The following DNAI4 variants were observed in gnomAD, a reference collection of about 807,000 sequenced individuals.
The protein encoded by DNAI4 is WD repeat domain 78.
Under a neutral mutation model 105.8 loss-of-function variants are expected in DNAI4, and 85 were observed. The observed-to-expected ratio is 0.80, with a 90% CI of 0.67 to 0.96. The LOEUF (loss-of-function observed/expected upper bound fraction) is 0.96, where lower values mean the gene tolerates loss of function less well. DNAI4 is among the 40% of genes least tolerant of loss of function. The pLI is 0.00. For missense variants in DNAI4, 1,014 were observed against 1,005.6 expected (o/e 1.01, Z -0.11); for synonymous variants, 352 against 331.5 (o/e 1.06, Z -0.67).
chr1:66,833,759 C>A, intron 12 of DNAI4, 53 bp from the exon 13 acceptor site: 2 of 1,578,458 alleles, frequency 1.3e-6, no homozygotes, highest in Non-Finnish European at 8.6e-7. Context: ...TGAAAGAGTA[C>A]CGCAAATATC....
At chr1:66,835,300 T>G (rs1358764922) in intron 11 of DNAI4, among the ~76,000 whole-genome samples, 5 of 152,108 alleles carry the variant, frequency 3.3e-5, no homozygotes, top group Non-Finnish European at 7.4e-5. Context: ...ATAAGCACTA[T>G]GATAAAGGTA....
At chr1:66,871,581 C>G (rs1312732832) in intron 5 of DNAI4, 72 bp from the exon 6 acceptor site, 14 of 1,361,712 alleles carry the variant, frequency 1.0e-5, no homozygotes, top group African/African-American at 1.5e-5. Flanking sequence ...TTATATTATT[C>G]TTTTCCCTAA....
At position 66,845,068 on chromosome 1, in the gene DNAI4, C is replaced by A. The variant is rs145408384; in HGVS notation, c.1291+2416G>T. On this transcript the variant is annotated intron_variant, in intron 8 of 16. Coordinates refer to ENST00000371026, the MANE Select transcript of DNAI4 (RefSeq NM_024763.5). The stretch of plus-strand genomic sequence containing the variant: ...ATTAGCCGGGTGTGGTGGTGGGCGC[C>A]TGTAATCCCAGCTACTTGGGAGGCT... Among the ~76,000 whole-genome samples the A allele has an allele frequency of 1.2e-4, 18 of 151,706 alleles. No individual in the cohort carries two copies. In the East Asian group the frequency reaches 3.5e-3, roughly 30 times the overall value.
In DNAI4 at chr1:66,891,209, T is replaced by C. The variant is rs1647611993; in HGVS notation, c.588A>G (p.Ile196Met). The C allele has an allele frequency of 6.2e-7, 1 of 1,613,982 alleles. No individual in the cohort carries two copies. The highest frequency in any genetic ancestry group is 2.2e-5 in the East Asian group (1 of 44,840). Residue 196 changes from isoleucine to methionine, a missense_variant, in exon 4 of 17, where the codon ATA (isoleucine) becomes ATG (methionine). By Grantham distance (10) the Ile-to-Met change is conservative (BLOSUM62 1). Transcript: ENST00000371026. ...SKSSVSASES[I>M]AEDLEEPSYK... ...AGGATGGTTCTTCCAGGTCTTCTGC[T>C]ATTGATTCACTTGCTGATACACTTG...
chr1:66,848,772 A>G (rs947149671), intron 7 of DNAI4, among the ~76,000 whole-genome samples: 6 of 152,208 alleles, frequency 3.9e-5, no homozygotes, highest in African/African-American at 1.4e-4. Flanking sequence ...AAAATCCCCA[A>G]AAGAAGCCTC....
intron 7 of DNAI4, among the ~76,000 whole-genome samples, chr1:66,859,907 T>C (rs752811991): frequency 5.9e-5 from 9 of 152,186 alleles, no homozygotes; most frequent in Non-Finnish European, 1.2e-4. Flanking sequence ...CATGCCGTTA[T>C]GCATTTGTTA....
intron 6 of DNAI4, among the ~76,000 whole-genome samples, chr1:66,868,332 T>C (rs2100642266): frequency 6.6e-6 from 1 of 152,334 alleles, no homozygotes; most frequent in South Asian, 2.1e-4. Context: ...GTGTGATGGT[T>C]AACTTTATAT....
chr1:66,910,416 G>C (rs1028223222), intron 1 of DNAI4, among the ~76,000 whole-genome samples: 3 of 152,100 alleles, frequency 2.0e-5, no homozygotes, highest in African/African-American at 7.2e-5. Flanking sequence ...AGCCATAGTG[G>C]CATCCTTTAT....
At chr1:66,825,382 C>CT (rs1177366852) in intron 15 of DNAI4, among the ~76,000 whole-genome samples, 2 of 151,472 alleles carry the variant, frequency 1.3e-5, no homozygotes, top group Non-Finnish European at 2.9e-5. Flanking sequence ...GGGGTTTCAC[C>CT]TTGTTAGCCA....
chr1:66,916,827 T>C (rs1252814441), intron 1 of DNAI4, among the ~76,000 whole-genome samples: 1 of 152,178 alleles, frequency 6.6e-6, no homozygotes, highest in African/African-American at 2.4e-5. Flanking sequence ...GGCTTCATGC[T>C]GTTTTAATTA....
chr1:66,923,683 G>T (rs1159382930), intron 1 of DNAI4, among the ~76,000 whole-genome samples: 6 of 152,186 alleles, frequency 3.9e-5, no homozygotes, highest in Non-Finnish European at 7.4e-5. Context: ...GGACAAAAGC[G>T]TGAGTACCAT....
At chr1:66,846,618 A>G (rs1485734565) in intron 8 of DNAI4, among the ~76,000 whole-genome samples, 1 of 152,222 alleles carries the variant, frequency 6.6e-6, no homozygotes, top group Non-Finnish European at 1.5e-5. Context: ...CATATTGCAG[A>G]TATCTTTTGA....
chr1:66,832,997 T>C (rs1645899360), intron 13 of DNAI4, among the ~76,000 whole-genome samples: 1 of 152,102 alleles, frequency 6.6e-6, no homozygotes, highest in African/African-American at 2.4e-5. Context: ...TCTGTAAGTA[T>C]GATAGAGCAG....
chr1:66,874,694 C>T, intron 5 of DNAI4, 87 bp downstream of exon 5: 1 of 1,434,346 alleles, frequency 7.0e-7, no homozygotes, highest in Non-Finnish European at 9.4e-7. Flanking sequence ...CCAGAACCCC[C>T]AAGGACCCTT....
At chr1:66,863,816 T>A (rs1045594369) in intron 6 of DNAI4, among the ~76,000 whole-genome samples, 1 of 152,192 alleles carries the variant, frequency 6.6e-6, no homozygotes, top group African/African-American at 2.4e-5. Context: ...AATGAACTTA[T>A]CATAAGGCCA....
Position 66,874,951 on chromosome 1 carries a change from C to T in DNAI4, c.644-14G>A, listed in dbSNP as rs1384077058. On this transcript the variant is annotated splice_polypyrimidine_tract_variant and intron_variant, in intron 4 of 16. Transcript: ENST00000371026. ...TAACTTGCAAATCTAAAATACATGA[C>T]TTAATTAAAATCATTTACTAATTGC... 21 of 1,580,720 alleles carry T rather than the reference C, an allele frequency of 1.3e-5. No homozygotes were observed. In the East Asian group the frequency reaches 4.7e-4, roughly 35 times the overall value.
intron 1 of DNAI4, among the ~76,000 whole-genome samples, chr1:66,917,303 G>A (rs1041002214): frequency 1.3e-5 from 2 of 152,170 alleles, no homozygotes; most frequent in African/African-American, 4.8e-5. Flanking sequence ...TGTCAATTGT[G>A]TCTTTGATTA....
Position 66,823,479 on chromosome 1 carries a change from G to A in DNAI4, c.2340-962C>T, listed in dbSNP as rs1313636958. On this transcript the variant is annotated intron_variant, in intron 15 of 16. Transcript: ENST00000371026. ...TCTAGTTCTAGATCCCTGAGGAATC[G>A]CCACACTGACTTCCACAATGGTTGA... is the stretch of plus-strand genomic sequence containing the variant. Among the ~76,000 whole-genome samples the A allele has an allele frequency of 3.3e-4, 49 of 148,918 alleles. 1 individual carries two copies. Among genetic ancestry groups the A allele is most frequent in the African/African-American group, 1.1e-3 (45 of 40,820 alleles).
intron 10 of DNAI4, among the ~76,000 whole-genome samples, chr1:66,836,125 CAGAAAGAAAGAAAGAAA>C (rs1645981552): frequency 1.1e-5 from 1 of 91,878 alleles, no homozygotes; most frequent in Non-Finnish European, 2.1e-5. Context: ...ACCCTCATCT[CAGAAAGAAAGAAAGAAA>C]AGAAAGAAAG....
Sources: allele counts gnomAD v4.1 joint callset (sites outside exome capture counted in the v4.1 genomes callset), GRCh38; gene constraint gnomAD v4.1.1; transcripts MANE v1.5; gene names NCBI Gene and HGNC (gene_info 2026-07-23, HGNC 2026-07-21).